GART: variants seen among roughly 807,000 people sequenced by gnomAD.
The protein encoded by GART is trifunctional purine biosynthetic protein adenosine-3.
In GART, 43 loss-of-function variants were observed where a neutral mutation model predicts 107.2. The ratio of observed to expected loss-of-function variants is 0.40; its 90% CI spans 0.31 to 0.52. GART has a LOEUF of 0.52. Among genes scored for constraint, GART ranks in the 20% least tolerant of loss-of-function variants. GART has a pLI of 0.52. For synonymous variants in GART, 434 were observed against 427.0 expected (o/e 1.02, Z -0.20); for missense variants, 1,107 against 1,206.5 (o/e 0.92, Z 1.22).
Position 33,504,208 on chromosome 21 carries a change from T to C in GART, c.2949A>G (p.Ile983Met). ...SERVKLAEHK[I>M]FPAALQLVAS... is the part of the protein sequence containing the mutation. ...CCACCAGCTGAAGGGCTGCAGGAAA[T>C]ATTTTATGTTCTGCTAATTTTACTC... The change falls in exon 22 of 22, where the codon ATA (isoleucine) becomes ATG (methionine). Residue 983 changes from isoleucine (I) to methionine (M), a missense_variant. Coordinates refer to ENST00000381815, the MANE Select transcript of GART (RefSeq NM_000819.5). The C allele has an allele frequency of 1.2e-6, 2 of 1,614,178 alleles. No individual in the cohort carries two copies. The highest frequency in any genetic ancestry group is 1.7e-6 in the Non-Finnish European group (2 of 1,180,046).
chr21:33,535,344 A>G, intron 2 of GART, 24 bp from the exon 3 acceptor site: 1 of 1,400,188 alleles, frequency 7.1e-7, no homozygotes, highest in South Asian at 1.4e-5. Context: ...AAAAAAAAAA[A>G]AAACCACTGC....
rs1189615423 is a variant in GART at position 33,505,981 on chromosome 21, G to A, written c.2576C>T (p.Pro859Leu). Residue 859 changes from proline to leucine, a missense_variant, in exon 19 of 22, where the codon CCC (proline) becomes CTC (leucine). Transcript: ENST00000381815. ...TTTTCCCAAGTAACTTACTCTAGTG[G>A]GAATACCAGCTCTTTCCGCTTTATC... Reference protein sequence around the residue: ...GLDKAERAGIPTRVINHKLYK... With the variant: ...GLDKAERAGILTRVINHKLYK... 2.5e-6 allele frequency: 4 copies of A among 1,613,984 alleles called. No individual in the cohort carries two copies. Among genetic ancestry groups the A allele is most frequent in the Non-Finnish European group, 3.4e-6 (4 of 1,179,984 alleles).
intron 1 of GART, 69 bp downstream of exon 1, chr21:33,541,996 T>A (rs1213819508): frequency 6.6e-6 from 1 of 152,218 alleles, no homozygotes; most frequent in Non-Finnish European, 1.5e-5. Flanking sequence ...TTTCACTCAG[T>A]TCGCGATCTT....
At chr21:33,510,080 T>C in intron 17 of GART, 160 bp from the exon 18 acceptor site, 1 of 632,570 alleles carries the variant, frequency 1.6e-6, no homozygotes, top group Non-Finnish European at 2.7e-6. Context: ...CACTTAACAC[T>C]ACTCTTTCAT....
chr21:33,529,925 T>C (rs13051452), intron 7 of GART, among the ~76,000 whole-genome samples: 1 of 151,458 alleles, frequency 6.6e-6, no homozygotes, highest in Non-Finnish European at 1.5e-5. Context: ...CCAGGCATGG[T>C]AGCTCACGCC....
chr21:33,535,126 T>C, intron 3 of GART, 99 bp downstream of exon 3: 2 of 764,750 alleles, frequency 2.6e-6, no homozygotes, highest in Non-Finnish European at 3.9e-6. Flanking sequence ...TCCAAGATAA[T>C]ATTACAAATT....
chr21:33,542,767 C>T (rs1207085915), upstream of GART: 5 of 358,028 alleles, frequency 1.4e-5, no homozygotes, highest in African/African-American at 2.1e-5. Context: ...GGCTCCCAAA[C>T]ACTGCTGGGG....
At position 33,509,877 on chromosome 21, in the gene GART, T is replaced by C. The variant is rs764482160; in HGVS notation, c.2358A>G (p.Gln786=). 6.8e-6 allele frequency: 11 copies of C among 1,613,826 alleles called. 1 individual carries two copies. In the South Asian group the frequency reaches 9.9e-5, roughly 15 times the overall value. The change falls in exon 18 of 22, where the codon CAA becomes CAG. Residue 786 remains glutamine, a synonymous_variant. Coordinates refer to ENST00000381815, the MANE Select transcript of GART (RefSeq NM_000819.5). ...VKVKNLIESM[Q]INGSVLKNGS... is the part of the protein sequence containing the mutation. ...CATTCTTCAACACTGACCCATTTAT[T>C]TGCATGCTTTCAATCAGATTCTTGA... is the stretch of plus-strand genomic sequence containing the variant.
At chr21:33,511,559 G>T in intron 16 of GART, 101 bp from the exon 17 acceptor site, 1 of 1,203,354 alleles carries the variant, frequency 8.3e-7, no homozygotes, top group Non-Finnish European at 1.2e-6. Context: ...ATCAGGCTCT[G>T]CTATTTTATG....
rs777847396 is a variant in GART, at chr21:33,520,489, G to A, written c.1577C>T (p.Ala526Val). 46 of 1,613,964 alleles carry A rather than the reference G, an allele frequency of 2.9e-5. No homozygotes were observed. In the East Asian group the frequency reaches 1.0e-3, roughly 35 times the overall value. Residue 526 changes from alanine to valine, a missense_variant, in exon 14 of 22, where the codon GCA (alanine) becomes GTA (valine). Ala to Val is a moderately conservative substitution (Grantham distance 64). Transcript: ENST00000381815. Reference protein sequence around the residue: ...LVAMCVNDILAQGAEPLFFLD... With the variant: ...LVAMCVNDILVQGAEPLFFLD... ...GAAGAAGAGGGGCTCTGCTCCTTGT[G>A]CCAGAATATCATTAACACACATTGC...
At chr21:33,534,536 T>G (rs775692128) in intron 4 of GART, 43 bp downstream of exon 4, 5 of 1,608,714 alleles carry the variant, frequency 3.1e-6, no homozygotes, top group Non-Finnish European at 3.4e-6. Context: ...TATTTAAATA[T>G]CAAAACTAAA....
chr21:33,525,900 C>T (rs1446445459), intron 10 of GART, among the ~76,000 whole-genome samples: 6 of 142,896 alleles, frequency 4.2e-5, no homozygotes, highest in Admixed American at 7.1e-5. Flanking sequence ...GACAGAGTCT[C>T]GCTCTGTCGC....
At chr21:33,536,454 T>C (rs1031373261) in intron 2 of GART, among the ~76,000 whole-genome samples, 3 of 152,186 alleles carry the variant, frequency 2.0e-5, no homozygotes, top group African/African-American at 4.8e-5. Flanking sequence ...GTACAAGAAG[T>C]GATATTTGTG....
At chr21:33,537,653 T>A (rs1321183855) in intron 2 of GART, among the ~76,000 whole-genome samples, 1 of 152,148 alleles carries the variant, frequency 6.6e-6, no homozygotes, top group Non-Finnish European at 1.5e-5. Context: ...CTCTGAATAA[T>A]GAGGAGACAG....
At chr21:33,528,113 G>A in intron 10 of GART, 54 bp downstream of exon 10, 1 of 1,545,968 alleles carries the variant, frequency 6.5e-7, no homozygotes, top group Non-Finnish European at 8.9e-7. Flanking sequence ...GGGGTCTGCT[G>A]TGGTGCTGGC....
At chr21:33,507,503 C>T (rs1233577274) in intron 18 of GART, among the ~76,000 whole-genome samples, 1 of 151,982 alleles carries the variant, frequency 6.6e-6, no homozygotes, top group East Asian at 1.9e-4. Flanking sequence ...CTATAGTCAA[C>T]AATAATTTAT....
Position 33,505,680 on chromosome 21 carries a change from T to C in GART, c.2606A>G (p.Lys869Arg). 6.2e-7 allele frequency: 1 copy of C among 1,606,536 alleles called. No homozygotes were observed. The highest frequency in any genetic ancestry group is 2.2e-5 in the East Asian group (1 of 44,812). ...TGCACTGTCAAATTCTACACGATTT[T>C]TATACAGTTTATGATTAATTACCTG... ...PTRVINHKLY[K>R]NRVEFDSAID... The change falls in exon 20 of 22, where the codon AAA becomes AGA. Residue 869 changes from lysine to arginine, a missense_variant. Physicochemically the swap from Lys to Arg is conservative, Grantham distance 26. Coordinates refer to ENST00000381815, the MANE Select transcript of GART (RefSeq NM_000819.5).
intron 8 of GART, 59 bp from the exon 9 acceptor site, chr21:33,528,663 G>T: frequency 4.3e-6 from 5 of 1,160,488 alleles, no homozygotes; most frequent in Admixed American, 2.7e-5. Flanking sequence ...TGAAGACACT[G>T]TATTACAAAT....
chr21:33,538,241 C>CAAAAAA (rs397866694), intron 2 of GART, among the ~76,000 whole-genome samples: 1 of 88,406 alleles, frequency 1.1e-5, no homozygotes, highest in Non-Finnish European at 2.2e-5. Context: ...GACTCTGTCT[C>CAAAAAA]AAAAAAAAAA....
Sources: allele counts gnomAD v4.1 joint callset (sites outside exome capture counted in the v4.1 genomes callset), GRCh38; gene constraint gnomAD v4.1.1; transcripts MANE v1.5; gene names NCBI Gene and HGNC (gene_info 2026-07-23, HGNC 2026-07-21).